The following GPHN variants were observed in gnomAD, a reference collection of about 807,000 sequenced individuals.
GPHN encodes the protein gephyrin.
Under a neutral mutation model 95.5 loss-of-function variants are expected in GPHN, and 17 were observed. The ratio of observed to expected loss-of-function variants is 0.18; its 90% CI spans 0.12 to 0.27. The LOEUF (loss-of-function observed/expected upper bound fraction) is 0.27. Among genes scored for constraint, GPHN ranks in the 10% least tolerant of loss-of-function variants. The pLI, the probability that GPHN is intolerant of heterozygous loss-of-function variation, is 1.00. For synonymous variants in GPHN, 320 were observed against 322.5 expected, an observed-to-expected ratio of 0.99 and a Z score of 0.08; for missense variants, 660 against 978.1, an observed-to-expected ratio of 0.67 and a Z score of 4.34.
At chr14:67,304,034 C>A in the GPHN span, 1 of 159,074 alleles carries the variant, frequency 6.3e-6, no homozygotes, top group Non-Finnish European at 1.4e-5. Flanking sequence ...TCCCAAAGTG[C>A]TGGGATTACA....
intron 8 of GPHN, among the ~76,000 whole-genome samples, chr14:66,932,750 G>A (rs34649083): frequency 1.3e-4 from 19 of 151,540 alleles, no homozygotes; most frequent in Admixed American, 1.1e-3. Context: ...TGAGTCCTGC[G>A]AGGCCTGTAT....
the GPHN span, among the ~76,000 whole-genome samples, chr14:67,288,776 A>G: frequency 2.0e-4 from 31 of 151,978 alleles, no homozygotes; most frequent in African/African-American, 7.2e-4. Context: ...ATATTAGCTT[A>G]TGGTTAGATT....
chr14:66,762,311 T>C (rs950171929), intron 2 of GPHN, among the ~76,000 whole-genome samples: 4 of 152,166 alleles, frequency 2.6e-5, no homozygotes, highest in African/African-American at 9.7e-5. Context: ...TTTCCTAATT[T>C]GCTTCTTTGT....
chr14:66,533,928 C>T (rs555829567), intron 1 of GPHN, among the ~76,000 whole-genome samples: 2 of 152,154 alleles, frequency 1.3e-5, no homozygotes, highest in Non-Finnish European at 2.9e-5. Context: ...TCTATACTAA[C>T]ACACTCTAGT....
the GPHN span, among the ~76,000 whole-genome samples, chr14:67,461,426 C>A: frequency 6.6e-6 from 1 of 152,164 alleles, no homozygotes; most frequent in African/African-American, 2.4e-5. Context: ...GTACATGGAG[C>A]ATAAACAGCC....
intron 2 of GPHN, among the ~76,000 whole-genome samples, chr14:66,732,129 CA>C (rs2071823788): frequency 6.6e-6 from 1 of 152,168 alleles, no homozygotes; most frequent in African/African-American, 2.4e-5. Context: ...AAGGGCAGTG[CA>C]GAAGGGAAAT....
intron 2 of GPHN, among the ~76,000 whole-genome samples, chr14:66,691,508 A>C (rs1189921011): frequency 6.6e-6 from 1 of 152,180 alleles, no homozygotes; most frequent in African/African-American, 2.4e-5. Flanking sequence ...GTGATTAAAA[A>C]AAATTTTTAA....
At chr14:66,759,481 A>G (rs927665841) in intron 2 of GPHN, among the ~76,000 whole-genome samples, 2 of 152,246 alleles carry the variant, frequency 1.3e-5, no homozygotes, top group African/African-American at 4.8e-5. Context: ...GCAAATAACA[A>G]TATTACCATA....
At chr14:67,631,174 A>G in the GPHN span, among the ~76,000 whole-genome samples, 3 of 151,910 alleles carry the variant, frequency 2.0e-5, no homozygotes, top group Admixed American at 2.0e-4. Flanking sequence ...TTGTCCAGTT[A>G]TTTTGTTTTT....
the GPHN span, among the ~76,000 whole-genome samples, chr14:67,577,034 G>A: frequency 6.6e-6 from 1 of 152,020 alleles, no homozygotes; most frequent in African/African-American, 2.4e-5. Flanking sequence ...GGCCTCCCCT[G>A]CACACATCCA....
the GPHN span, chr14:67,340,315 A>G: frequency 1.3e-6 from 1 of 764,928 alleles, no homozygotes; most frequent in Non-Finnish European, 2.1e-6. Flanking sequence ...CTTGCTGCTT[A>G]TTTATCAGAA....
the GPHN span, among the ~76,000 whole-genome samples, chr14:67,506,792 T>C: frequency 1.5e-3 from 221 of 152,306 alleles, no homozygotes; most frequent in African/African-American, 4.5e-3. Context: ...GAGACCATCC[T>C]GGCCAACGTG....
the GPHN span, among the ~76,000 whole-genome samples, chr14:67,462,994 G>A: frequency 5.9e-4 from 90 of 152,316 alleles, 3 homozygotes; most frequent in East Asian, 0.015. Context: ...TGATTTGCCT[G>A]GTTTTGCCAG....
chr14:67,388,128 C>A, the GPHN span: 2 of 769,118 alleles, frequency 2.6e-6, no homozygotes, highest in Non-Finnish European at 4.6e-6. Context: ...AAGCCCTGCT[C>A]GGCTCCCAAA....
chr14:67,009,183 A>G (rs1327016186), intron 9 of GPHN, among the ~76,000 whole-genome samples: 3 of 151,402 alleles, frequency 2.0e-5, no homozygotes, highest in Admixed American at 6.6e-5. Context: ...TCCTTTTTCA[A>G]TGAAAGTAAT....
At chr14:66,737,233 CCT>C (rs2072376122) in intron 2 of GPHN, among the ~76,000 whole-genome samples, 1 of 152,108 alleles carries the variant, frequency 6.6e-6, no homozygotes, top group Non-Finnish European at 1.5e-5. Flanking sequence ...GTTCTCCCTT[CCT>C]CTTTCTTTTT....
chr14:67,340,709 T>G, the GPHN span, among the ~76,000 whole-genome samples: 1 of 152,082 alleles, frequency 6.6e-6, no homozygotes, highest in Admixed American at 6.5e-5. Flanking sequence ...CCCCACGGTC[T>G]CCCTCTGATG....
the GPHN span, among the ~76,000 whole-genome samples, chr14:67,188,663 G>A: frequency 3.3e-5 from 5 of 152,090 alleles, no homozygotes; most frequent in African/African-American, 1.2e-4. Flanking sequence ...AATAACAGGG[G>A]AACCACTCGG....
intron 4 of GPHN, among the ~76,000 whole-genome samples, chr14:66,876,239 C>T (rs963465974): frequency 7.9e-5 from 12 of 152,190 alleles, no homozygotes; most frequent in Non-Finnish European, 5.9e-5. Context: ...CTCTGGGACA[C>T]AGCTAAAGCA....
Sources: gnomAD v4.1 joint callset for allele counts (sites outside exome capture counted in the v4.1 genomes callset) on GRCh38, gnomAD v4.1.1 for gene constraint, MANE v1.5 for transcripts, NCBI Gene and HGNC (gene_info 2026-07-23, HGNC 2026-07-21) for gene names.